Variants in NHERF2 observed in about 807,000 individuals in gnomAD.
NHERF2 encodes NHERF family PDZ scaffold protein 2, also known as Na(+)/H(+) exchange regulatory cofactor NHE-RF2.
chr16:2,037,465 C>A, the NHERF2 span: 1 of 1,338,814 alleles, frequency 7.5e-7, no homozygotes, highest in Non-Finnish European at 1.1e-6. Context: ...GGGGGGTGTG[C>A]CTCTGTGCAC....
At chr16:2,035,281 T>C in the NHERF2 span, 1 of 443,242 alleles carries the variant, frequency 2.3e-6, no homozygotes, top group Non-Finnish European at 3.0e-6. Context: ...TTCTGGTCCA[T>C]TGGGGTTTGG....
chr16:2,037,106 C>T, the NHERF2 span: 1 of 1,332,824 alleles, frequency 7.5e-7, no homozygotes, highest in Non-Finnish European at 1.0e-6. Flanking sequence ...GCTAGTGACA[C>T]CCGATTTTAG....
chr16:2,032,675 T>C, the NHERF2 span: 1 of 326,430 alleles, frequency 3.1e-6, no homozygotes, highest in Non-Finnish European at 4.4e-6. The surrounding 1 kb of genome is among the most constrained non-coding windows in gnomAD (Gnocchi z 4.0). Flanking sequence ...GGTTGGCCCC[T>C]CCTTTTGGGG....
At chr16:2,037,981 C>T in the NHERF2 span, 1 of 1,613,572 alleles carries the variant, frequency 6.2e-7, no homozygotes. Flanking sequence ...TCAGCAACTT[C>T]TGAGCCCCTT....
chr16:2,028,542 T>G, the NHERF2 span, among the ~76,000 whole-genome samples: 1 of 152,180 alleles, frequency 6.6e-6, no homozygotes, highest in African/African-American at 2.4e-5. Context: ...ATTTGACAGT[T>G]GAGGAAACTG....
At chr16:2,038,440 C>T in the NHERF2 span, 10 of 345,694 alleles carry the variant, frequency 2.9e-5, no homozygotes, top group East Asian at 1.4e-4. Context: ...CCCCTTGGGA[C>T]GCGCTCTAAA....
At chr16:2,037,250 C>T in the NHERF2 span, among the ~76,000 whole-genome samples, 3 of 152,194 alleles carry the variant, frequency 2.0e-5, no homozygotes, top group Middle Eastern at 3.2e-3. Context: ...GAGTTGCCCT[C>T]CAGTCTCTGC....
At chr16:2,029,047 A>C in the NHERF2 span, among the ~76,000 whole-genome samples, 3 of 152,194 alleles carry the variant, frequency 2.0e-5, no homozygotes, top group African/African-American at 7.2e-5. Flanking sequence ...GGAGGTAGAT[A>C]TAAGGCCTAG....
chr16:2,037,001 A>G, the NHERF2 span: 2 of 1,549,844 alleles, frequency 1.3e-6, no homozygotes, highest in Admixed American at 2.0e-5. Context: ...CTGCCCAGGT[A>G]AGAGGGTGGG....
chr16:2,030,793 C>T, the NHERF2 span, among the ~76,000 whole-genome samples: 1 of 151,898 alleles, frequency 6.6e-6, no homozygotes, highest in South Asian at 2.1e-4. Context: ...ATACAAAAAT[C>T]AGTTGGGCAT....
the NHERF2 span, chr16:2,033,196 G>C: frequency 6.8e-7 from 1 of 1,462,732 alleles, no homozygotes; most frequent in East Asian, 2.5e-5. Context: ...TCATCACCCT[G>C]CTCCCCAGAG....
the NHERF2 span, among the ~76,000 whole-genome samples, chr16:2,031,409 C>T: frequency 1.3e-5 from 2 of 152,206 alleles, no homozygotes; most frequent in Non-Finnish European, 2.9e-5. Flanking sequence ...AGCTCCCCCT[C>T]TGCCTCAGGC....
At chr16:2,035,012 G>A in the NHERF2 span, among the ~76,000 whole-genome samples, 1 of 152,140 alleles carries the variant, frequency 6.6e-6, no homozygotes, top group Non-Finnish European at 1.5e-5. Flanking sequence ...AGCCCATGTG[G>A]CCCAGCTGAG....
the NHERF2 span, chr16:2,036,317 C>T: frequency 1.2e-6 from 2 of 1,602,606 alleles, no homozygotes; most frequent in East Asian, 2.3e-5. Flanking sequence ...GTCCGTTGGG[C>T]CTGCAGGATG....
the NHERF2 span, chr16:2,033,471 CG>C: frequency 6.7e-7 from 1 of 1,496,554 alleles, no homozygotes; most frequent in Non-Finnish European, 8.9e-7. Context: ...TAGGAGGAAC[CG>C]GCAGCCGCTC....
At chr16:2,037,108 C>T in the NHERF2 span, 74 of 1,283,924 alleles carry the variant, frequency 5.8e-5, no homozygotes, top group Non-Finnish European at 5.0e-5. Context: ...TAGTGACACC[C>T]GATTTTAGCC....
the NHERF2 span, chr16:2,037,451 T>G: frequency 6.3e-6 from 7 of 1,113,362 alleles, no homozygotes; most frequent in Admixed American, 8.7e-5. Flanking sequence ...GAGCACACAC[T>G]GGGGGGGGGT....
At chr16:2,037,592 G>A in the NHERF2 span, 3 of 1,612,668 alleles carry the variant, frequency 1.9e-6, no homozygotes, top group East Asian at 4.5e-5. Flanking sequence ...TTCCGACAAG[G>A]ACACTGAGGT....
the NHERF2 span, chr16:2,037,488 G>A: frequency 1.0e-5 from 15 of 1,489,302 alleles, no homozygotes; most frequent in South Asian, 9.5e-5. Flanking sequence ...GTGTGCGTGT[G>A]CAGGTGTTGT....
Sources: allele counts gnomAD v4.1 joint callset (sites outside exome capture counted in the v4.1 genomes callset), GRCh38; gene constraint gnomAD v4.1.1; non-coding constraint Gnocchi (gnomAD v3.1); transcripts MANE v1.5; gene names NCBI Gene and HGNC (gene_info 2026-07-23, HGNC 2026-07-21).